Variants in PARP15 observed in about 807,000 individuals in gnomAD.
PARP15 encodes protein mono-ADP-ribosyltransferase PARP15.
A neutral mutation model predicts 62.1 loss-of-function variants in PARP15; 50 were observed. The observed-to-expected ratio is 0.81, with a 90% CI of 0.64 to 1.02. The LOEUF is 1.02. Ranked by LOEUF, PARP15 falls within the 50% of genes least tolerant of loss-of-function variation. The probability of loss-of-function intolerance (pLI) is 0.00; values close to 1 mark genes in which losing one functional copy is unlikely to be tolerated. For synonymous variants in PARP15, 309 were observed against 293.1 expected, an observed-to-expected ratio of 1.05 and a Z score of -0.55; for missense variants, 820 against 826.5, an observed-to-expected ratio of 0.99 and a Z score of 0.10.
rs563349926 is a variant in PARP15 at position 122,637,315 on chromosome 3, C to T, written c.*1215C>T. 6.6e-6 allele frequency: 1 copy of T among 152,198 alleles called. No individual in the cohort carries two copies. Among genetic ancestry groups the T allele is most frequent in the Non-Finnish European group, 1.5e-5 (1 of 68,026 alleles). 9.4% of individuals were successfully genotyped at this position (152,198 alleles called of 1,614,324 possible). ...TTCAGCACTCAACATCTTCAGGGAA[C>T]CTATTCCGCCGTGGGACAGTGTTAA... is the stretch of plus-strand genomic sequence containing the variant. On this transcript the variant is annotated 3_prime_UTR_variant, in exon 12 of 12. Transcript: ENST00000464300.
chr3:122,627,825 A>G (rs1266215051), intron 9 of PARP15, among the ~76,000 whole-genome samples: 1 of 152,262 alleles, frequency 6.6e-6, no homozygotes, highest in African/African-American at 2.4e-5. Flanking sequence ...GGTGTGCTAC[A>G]ACACACAATA....
rs3052715 is a variant in PARP15, at chr3:122,593,090, GTCTA to G, written c.187-12816_187-12813del. On this transcript the variant is annotated intron_variant, in intron 1 of 11. Coordinates refer to ENST00000464300, the MANE Select transcript of PARP15 (RefSeq NM_001113523.3). The stretch of plus-strand genomic sequence containing the variant: ...TATAGACTAAAAGATAAAATTATCT[GTCTA>G]TCTATCTATCTATCTATCTATCTAT... 1.7e-3 allele frequency among the ~76,000 whole-genome samples: 254 copies of G among 147,864 alleles called. 2 individuals carry two copies. Among genetic ancestry groups the G allele is most frequent in the African/African-American group, 5.4e-3 (213 of 39,636 alleles).
rs551393095 is a variant in PARP15, at chr3:122,629,955, T to C, written c.1439-2131T>C. Reference sequence around the variant, plus strand: ...GCTATAAATACAAATGAAGCTTTGTTCTCTTGCCTGCCGCTCACCTCCTGC... The same window carrying C: ...GCTATAAATACAAATGAAGCTTTGTCCTCTTGCCTGCCGCTCACCTCCTGC... On this transcript the variant is annotated intron_variant, in intron 9 of 11. Coordinates refer to ENST00000464300, the MANE Select transcript of PARP15 (RefSeq NM_001113523.3). Among the ~76,000 whole-genome samples, 35 of 152,282 alleles carry C rather than the reference T, an allele frequency of 2.3e-4. No homozygotes were observed. The East Asian group carries it at 6.6e-3, about 29-fold the overall frequency.
intron 9 of PARP15, among the ~76,000 whole-genome samples, chr3:122,628,037 C>T (rs969155364): frequency 1.5e-4 from 23 of 152,140 alleles, no homozygotes; most frequent in African/African-American, 5.6e-4. Context: ...TCATCTAGAC[C>T]CTGAATTTCT....
chr3:122,635,340 G>T, intron 11 of PARP15, 146 bp downstream of exon 11: 1 of 658,372 alleles, frequency 1.5e-6, no homozygotes, highest in Non-Finnish European at 2.4e-6. Context: ...AAGGAGACTG[G>T]CAACCTTCTA....
At chr3:122,594,368 T>C (rs1423105280) in intron 1 of PARP15, among the ~76,000 whole-genome samples, 1 of 152,222 alleles carries the variant, frequency 6.6e-6, no homozygotes, top group African/African-American at 2.4e-5. Flanking sequence ...TATGGGTAAG[T>C]TTGTATGGGA....
intron 1 of PARP15, among the ~76,000 whole-genome samples, chr3:122,598,573 G>GAGAGAA (rs992985067): frequency 6.6e-6 from 1 of 152,190 alleles, no homozygotes; most frequent in African/African-American, 2.4e-5. Flanking sequence ...GAAAGAGAGA[G>GAGAGAA]AGAGAAAGAG....
intron 1 of PARP15, among the ~76,000 whole-genome samples, chr3:122,585,350 C>T (rs13099094): frequency 0.13 from 19,121 of 152,216 alleles, 1,293 homozygotes; most frequent in East Asian, 0.22. Flanking sequence ...TTGTTTAAAT[C>T]TGTCTCTCCA....
At position 122,621,541 on chromosome 3, in the gene PARP15, G is replaced by C; in HGVS notation, c.1161G>C (p.Thr387=). The change falls in exon 8 of 12, where the codon ACG becomes ACC. Residue 387 remains threonine (T), a synonymous_variant. Coordinates refer to ENST00000464300, the MANE Select transcript of PARP15 (RefSeq NM_001113523.3). ...CTGGGGGAAAAGATGTCAGGAAAAC[G>C]GTCACCAGTGTTCTAGAAGAGTGTG... ...HVPGGKDVRK[T]VTSVLEECEQ... 1.2e-6 allele frequency: 2 copies of C among 1,614,016 alleles called. No individual in the cohort carries two copies. The highest frequency in any genetic ancestry group is 1.7e-6 in the Non-Finnish European group (2 of 1,179,964).
intron 5 of PARP15, among the ~76,000 whole-genome samples, 169 bp downstream of exon 5, chr3:122,616,026 G>A (rs1236960371): frequency 5.3e-5 from 8 of 152,202 alleles, no homozygotes; most frequent in African/African-American, 1.7e-4. Context: ...AGAAGCAATC[G>A]CATATTAACA....
rs368517496 is a variant in PARP15 at position 122,591,751 on chromosome 3, C to A, written c.186+13898C>A. ...ACTGCACTCCAGCCTGGTGACAGAG[C>A]GAGACTCTGTCTCAAAAAAAAAAAA... On this transcript the variant is annotated intron_variant, in intron 1 of 11. Coordinates refer to ENST00000464300, the MANE Select transcript of PARP15 (RefSeq NM_001113523.3). 3.8e-4 allele frequency among the ~76,000 whole-genome samples: 41 copies of A among 108,314 alleles called. No individual in the cohort carries two copies. In the South Asian group the frequency reaches 0.014, roughly 36 times the overall value. The allele number at this position is 108,314 out of a possible 152,430, so 71.1% of individuals were successfully genotyped here. A position where few individuals can be genotyped will look rare whatever the true frequency, so the allele number is the denominator to read the frequency against.
rs140301452 is a variant in PARP15, at chr3:122,631,156, A to G, written c.1439-930A>G. On this transcript the variant is annotated intron_variant, in intron 9 of 11. Coordinates refer to ENST00000464300, the MANE Select transcript of PARP15 (RefSeq NM_001113523.3). ...CCTTGGACTAGAAATGATTAGGCAG[A>G]AAGATCCTGAAGGAGATGGACAGTG... is the stretch of plus-strand genomic sequence containing the variant. Among the ~76,000 whole-genome samples, 717 of 152,356 alleles carry G rather than the reference A, an allele frequency of 4.7e-3. 8 individuals carry two copies. Among genetic ancestry groups the G allele is most frequent in the African/African-American group, 0.016 (660 of 41,578 alleles).
intron 1 of PARP15, among the ~76,000 whole-genome samples, chr3:122,604,718 G>A (rs557217904): frequency 8.5e-5 from 13 of 152,148 alleles, no homozygotes; most frequent in Non-Finnish European, 1.5e-4. Context: ...AAAATTAGAC[G>A]GGAGTGGTGG....
At chr3:122,581,991 G>A (rs1932988325) in intron 1 of PARP15, among the ~76,000 whole-genome samples, 1 of 152,098 alleles carries the variant, frequency 6.6e-6, no homozygotes, top group African/African-American at 2.4e-5. Context: ...GATTAAAAGT[G>A]ACTTAAAAAA....
chr3:122,585,229 C>T (rs544637536), intron 1 of PARP15, among the ~76,000 whole-genome samples: 2 of 152,256 alleles, frequency 1.3e-5, no homozygotes, highest in South Asian at 4.1e-4. Flanking sequence ...CTTAAATCTA[C>T]CTAGCTACTC....
chr3:122,619,708 T>C lies in PARP15; in HGVS notation c.1001-73T>C. 3.9e-6 allele frequency: 5 copies of C among 1,273,216 alleles called. No homozygotes were observed. In the South Asian group the frequency reaches 5.9e-5, roughly 15 times the overall value. The allele number at this position is 1,273,216 out of a possible 1,614,324, so 78.9% of individuals were successfully genotyped here. ...CACAAAAGGGTGAGTTGAGCAGAAGTCTAATGTACAAAAACTATAACCACT... is the reference window on the plus strand; with the variant it reads ...CACAAAAGGGTGAGTTGAGCAGAAGCCTAATGTACAAAAACTATAACCACT... On this transcript the variant is annotated intron_variant, in intron 6 of 11. Coordinates refer to ENST00000464300, the MANE Select transcript of PARP15 (RefSeq NM_001113523.3).
chr3:122,622,072 T>C (rs936904586), intron 8 of PARP15, among the ~76,000 whole-genome samples: 1 of 152,256 alleles, frequency 6.6e-6, no homozygotes, highest in South Asian at 2.1e-4. Context: ...GTGCTGGGAT[T>C]ACAGGCATGG....
intron 1 of PARP15, among the ~76,000 whole-genome samples, chr3:122,595,293 C>G (rs946657490): frequency 6.6e-6 from 1 of 150,590 alleles, no homozygotes; most frequent in African/African-American, 2.4e-5. Flanking sequence ...TACCTCACCC[C>G]CATTTCCTCT....
chr3:122,619,150 C>A (rs1360417307), intron 6 of PARP15, among the ~76,000 whole-genome samples: 4 of 152,224 alleles, frequency 2.6e-5, no homozygotes, highest in Admixed American at 6.5e-5. Flanking sequence ...TACAAATAAC[C>A]CTGTGAGGGA....
Sources: gnomAD v4.1 joint callset for allele counts (sites outside exome capture counted in the v4.1 genomes callset) on GRCh38, gnomAD v4.1.1 for gene constraint, MANE v1.5 for transcripts, NCBI Gene and HGNC (gene_info 2026-07-23, HGNC 2026-07-21) for gene names.